PMM1: variants seen among roughly 807,000 people sequenced by gnomAD.
PMM1 encodes phosphomannomutase 1, also known as brain glucose-1,6-bisphosphatase.
PMM1 carries 25 observed loss-of-function variants against 34.0 expected under a neutral mutation model. The observed-to-expected ratio is 0.73, with a 90% confidence interval of 0.54 to 1.03. PMM1 has a LOEUF of 1.03. PMM1 is among the 50% of genes least tolerant of loss of function. The pLI, the probability that PMM1 is intolerant of heterozygous loss-of-function variation, is 0.00. For missense variants in PMM1, 321 were observed against 350.1 expected (o/e 0.92, Z 0.66); for synonymous variants, 134 against 143.9 (o/e 0.93, Z 0.49).
chr22:41,584,592 A>T lies in PMM1; in HGVS notation c.217T>A (p.Phe73Ile), dbSNP rs1396396706. The T allele has an allele frequency of 6.2e-7, 1 of 1,613,528 alleles. No homozygotes were observed. The highest frequency in any genetic ancestry group is 1.7e-5 in the Admixed American group (1 of 59,950). The change falls in exon 3 of 8, where the codon TTT becomes ATT. Residue 73 changes from phenylalanine (F) to isoleucine (I), a missense_variant. Transcript: ENST00000216259. ...LGDGDEVIEK[F>I]DYVFAENGTV... ...CCGTTCTCGGCAAACACATAATCAA[A>T]CTTCTCAATGACTTCAGGGTCACAT...
intron 1 of PMM1, chr22:41,586,443 G>T: frequency 1.7e-6 from 1 of 576,958 alleles, no homozygotes; most frequent in South Asian, 3.2e-5. Context: ...AGGCAGCAAA[G>T]GAAGACATTG....
chr22:41,578,130 A>G (rs1211487774), intron 6 of PMM1, among the ~76,000 whole-genome samples: 3 of 152,068 alleles, frequency 2.0e-5, no homozygotes, highest in African/African-American at 4.8e-5. Context: ...GGGGAAGCTC[A>G]TCCGGCCAGG....
intron 3 of PMM1, 64 bp from the exon 4 acceptor site, chr22:41,584,436 G>A: frequency 1.9e-6 from 3 of 1,574,802 alleles, no homozygotes; most frequent in Non-Finnish European, 1.7e-6. Flanking sequence ...CAGGCACAGT[G>A]TCTCTCCCCC....
At chr22:41,587,295 C>G (rs2067320816) in intron 1 of PMM1, among the ~76,000 whole-genome samples, 1 of 150,446 alleles carries the variant, frequency 6.6e-6, no homozygotes, top group South Asian at 2.1e-4. Context: ...AAAAAATTAG[C>G]TGGGCGTGGT....
chr22:41,586,192 T>C lies in PMM1; in HGVS notation c.89A>G (p.Lys30Arg). 5.0e-6 allele frequency: 8 copies of C among 1,608,280 alleles called. No homozygotes were observed. The highest frequency in any genetic ancestry group is 6.8e-6 in the Non-Finnish European group (8 of 1,179,594). ...GAAGGCGGCCACCTCAGGGTCAATT[T>C]TCTATGGGGGGAGAGGGGAAGCATA... ...VDGTLTPARQ[K>R]IDPEVAAFLQ... is the part of the protein sequence containing the mutation. The change falls in exon 2 of 8, where the codon AAA (lysine) becomes AGA (arginine). Residue 30 changes from lysine (K) to arginine (R), a missense_variant and splice_region_variant. Physicochemically the swap from Lys to Arg is conservative, Grantham distance 26. Transcript: ENST00000216259.
rs1239730601 is a variant in PMM1 at position 41,586,207 on chromosome 22, G to A, written c.88-14C>T. The A allele has an allele frequency of 6.2e-7, 1 of 1,605,116 alleles. No homozygotes were observed. The highest frequency in any genetic ancestry group is 8.5e-7 in the Non-Finnish European group (1 of 1,179,308). ...AGGGTCAATTTTCTATGGGGGGAGA[G>A]GGGAAGCATAGCATTCTGGCTTTCA... On this transcript the variant is annotated splice_polypyrimidine_tract_variant and intron_variant, in intron 1 of 7. Transcript: ENST00000216259.
chr22:41,585,523 ACTCT>A (rs2067298259), intron 2 of PMM1: 1 of 151,286 alleles, frequency 6.6e-6, no homozygotes, highest in Admixed American at 6.6e-5. Flanking sequence ...GTGTAGCCTC[ACTCT>A]GTCACCCAGG....
At chr22:41,583,811 TACA>T (rs1465359814) in intron 5 of PMM1, 145 bp downstream of exon 5, 1 of 646,828 alleles carries the variant, frequency 1.5e-6, no homozygotes, top group African/African-American at 1.8e-5. Flanking sequence ...CAGGTGTGTC[TACA>T]ACAATGGCAC....
At chr22:41,582,093 G>C (rs1303422082) in intron 5 of PMM1, among the ~76,000 whole-genome samples, 3 of 151,264 alleles carry the variant, frequency 2.0e-5, no homozygotes, top group Non-Finnish European at 4.4e-5. Context: ...GCAGTGAGCC[G>C]AGATTGTGCC....
At chr22:41,584,676 G>T in intron 2 of PMM1, 73 bp from the exon 3 acceptor site, 1 of 1,091,106 alleles carries the variant, frequency 9.2e-7, no homozygotes, top group Non-Finnish European at 1.4e-6. Flanking sequence ...GGCAAGTAAA[G>T]AGAGAGGAAG....
In PMM1 at chr22:41,577,096, G is replaced by A; in HGVS notation, c.*222C>T. On this transcript the variant is annotated 3_prime_UTR_variant, in exon 8 of 8. Transcript: ENST00000216259. ...CAGCTGTGGCCTGGGCCACCAGGTG[G>A]AGCATGGGGAACACTCTGGGCCCTG... The A allele has an allele frequency of 1.7e-6, 1 of 594,626 alleles. No individual in the cohort carries two copies. The highest frequency in any genetic ancestry group is 2.9e-5 in the East Asian group (1 of 34,500). The allele number at this position is 594,626 out of a possible 1,614,324, so 36.8% of individuals were successfully genotyped here.
chr22:41,586,721 C>G (rs1481889245), intron 1 of PMM1, among the ~76,000 whole-genome samples: 2 of 151,186 alleles, frequency 1.3e-5, no homozygotes, highest in African/African-American at 4.8e-5. Flanking sequence ...GTTGGCCAGG[C>G]TGGTCTTGAA....
At chr22:41,579,109 G>T in intron 5 of PMM1, 1 of 526,276 alleles carries the variant, frequency 1.9e-6, no homozygotes, top group South Asian at 2.1e-5. Context: ...TGCCAATGGG[G>T]CTGTGGGCTG....
chr22:41,586,041 C>G, intron 2 of PMM1, 35 bp downstream of exon 2: 1 of 1,494,182 alleles, frequency 6.7e-7, no homozygotes, highest in Non-Finnish European at 9.1e-7. Context: ...ATCTCTCAAA[C>G]TCCCCACTCC....
At chr22:41,587,261 C>G (rs112146043) in intron 1 of PMM1, among the ~76,000 whole-genome samples, 1 of 143,892 alleles carries the variant, frequency 6.9e-6, no homozygotes, top group Non-Finnish European at 1.5e-5. Context: ...CAGAGCGAGA[C>G]TCCGTCTCAA....
Position 41,578,841 on chromosome 22 carries a change from G to A in PMM1, c.515C>T (p.Thr172Ile). The A allele has an allele frequency of 6.2e-7, 1 of 1,614,066 alleles. No homozygotes were observed. Among genetic ancestry groups the A allele is most frequent in the Non-Finnish European group, 8.5e-7 (1 of 1,179,992 alleles). ...CCTCAGCCCTTTGCCAGCAAACTCT[G>A]TTTTCAGGGCTTCCACGAACTTCTC... ...IREKFVEALK[T>I]EFAGKGLRFS... Residue 172 changes from threonine to isoleucine, a missense_variant, in exon 6 of 8, where the codon ACA (threonine) becomes ATA (isoleucine). Coordinates refer to ENST00000216259, the MANE Select transcript of PMM1 (RefSeq NM_002676.3).
At chr22:41,588,501 G>A (rs1360761695) in intron 1 of PMM1, among the ~76,000 whole-genome samples, 1 of 152,240 alleles carries the variant, frequency 6.6e-6, no homozygotes, top group Non-Finnish European at 1.5e-5. Context: ...TTACAGGCGT[G>A]AGCCACTGAA....
Position 41,584,289 on chromosome 22 carries a change from G to C in PMM1, c.366C>G (p.Pro122=). 6.2e-7 allele frequency: 1 copy of C among 1,613,840 alleles called. No homozygotes were observed. The highest frequency in any genetic ancestry group is 8.5e-7 in the Non-Finnish European group (1 of 1,179,780). ...GGCTGGTGGGACCTCACCGCTTCTT[G>C]GGCAGCCTGAGCAGGGCCATGTAGC... The part of the protein sequence containing the change: ...CLSYMALLRL[P]KKRGTFIEFR... Residue 122 remains proline, a synonymous_variant, in exon 4 of 8, where the codon CCC becomes CCG. Coordinates refer to ENST00000216259, the MANE Select transcript of PMM1 (RefSeq NM_002676.3).
intron 5 of PMM1, among the ~76,000 whole-genome samples, chr22:41,581,234 G>T (rs2067244086): frequency 6.6e-6 from 1 of 151,976 alleles, no homozygotes; most frequent in African/African-American, 2.4e-5. Context: ...TGAGGCAGGA[G>T]AATTGCTTGA....
Sources: allele counts gnomAD v4.1 joint callset (sites outside exome capture counted in the v4.1 genomes callset), GRCh38; gene constraint gnomAD v4.1.1; transcripts MANE v1.5; gene names NCBI Gene and HGNC (gene_info 2026-07-23, HGNC 2026-07-21).